VSTM4: variants seen among roughly 807,000 people sequenced by gnomAD.
VSTM4 encodes the protein V-set and transmembrane domain-containing protein 4.
Under a neutral mutation model 36.4 loss-of-function variants are expected in VSTM4, and 20 were observed. That is an observed-to-expected ratio of 0.55 (90% CI 0.39 to 0.80). The LOEUF (loss-of-function observed/expected upper bound fraction) is 0.80. VSTM4 is among the 30% of genes least tolerant of loss of function. The pLI is 0.00. For synonymous variants in VSTM4, 182 were observed against 173.9 expected, an observed-to-expected ratio of 1.05 and a Z score of -0.37; for missense variants, 392 against 404.5, an observed-to-expected ratio of 0.97 and a Z score of 0.26.
At chr10:49,113,912 A>G (rs1844943239) in intron 1 of VSTM4, among the ~76,000 whole-genome samples, 1 of 152,118 alleles carries the variant, frequency 6.6e-6, no homozygotes, top group African/African-American at 2.4e-5. Context: ...GGCAGACTCT[A>G]AAGGCTCCTG....
At chr10:49,097,537 A>G (rs1408532669) in intron 2 of VSTM4, among the ~76,000 whole-genome samples, 1 of 152,224 alleles carries the variant, frequency 6.6e-6, no homozygotes, top group Non-Finnish European at 1.5e-5. Flanking sequence ...CAGGCCCTAG[A>G]CATGAGAGAA....
chr10:49,097,063 C>T (rs572841139), intron 2 of VSTM4, among the ~76,000 whole-genome samples: 3 of 152,228 alleles, frequency 2.0e-5, no homozygotes, highest in East Asian at 1.9e-4. Flanking sequence ...CAGCAGCACA[C>T]GCTCCCTGGG....
chr10:49,026,705 T>A (rs1429444565), intron 7 of VSTM4, among the ~76,000 whole-genome samples: 3 of 151,938 alleles, frequency 2.0e-5, no homozygotes, highest in Non-Finnish European at 4.4e-5. Flanking sequence ...AGGATGTGGG[T>A]GTTGACAGGG....
intron 7 of VSTM4, among the ~76,000 whole-genome samples, chr10:49,040,225 A>T (rs1843499215): frequency 6.6e-6 from 1 of 152,198 alleles, no homozygotes; most frequent in Non-Finnish European, 1.5e-5. Context: ...GTTTTGTTTT[A>T]AAAAAAGGAA....
chr10:49,103,862 T>C (rs374700802), intron 2 of VSTM4: 27 of 1,613,434 alleles, frequency 1.7e-5, no homozygotes, highest in Non-Finnish European at 2.1e-5. Context: ...TGGAGACTCC[T>C]GTTGAAAGGA....
At chr10:49,047,641 C>T (rs1166517963) in intron 6 of VSTM4, among the ~76,000 whole-genome samples, 14 of 152,136 alleles carry the variant, frequency 9.2e-5, no homozygotes, top group African/African-American at 2.9e-4. Context: ...ATGCCTGGCC[C>T]AGGCAGGCGT....
chr10:49,042,512 G>A (rs749374750), intron 7 of VSTM4, among the ~76,000 whole-genome samples: 21 of 152,332 alleles, frequency 1.4e-4, no homozygotes, highest in South Asian at 4.1e-4. Context: ...CCCAGACTCC[G>A]CACTGAGGCA....
chr10:49,103,645 C>T, intron 2 of VSTM4: 1 of 1,531,384 alleles, frequency 6.5e-7, no homozygotes, highest in Non-Finnish European at 8.7e-7. Flanking sequence ...CCTCCATGTG[C>T]TGGGCGAGGT....
intron 7 of VSTM4, among the ~76,000 whole-genome samples, chr10:49,020,860 G>T (rs1843173147): frequency 6.6e-6 from 1 of 151,794 alleles, no homozygotes; most frequent in African/African-American, 2.4e-5. Flanking sequence ...AGAGAATGAA[G>T]TACATTAAAA....
At chr10:49,027,329 G>C (rs1329481423) in intron 7 of VSTM4, among the ~76,000 whole-genome samples, 1 of 152,156 alleles carries the variant, frequency 6.6e-6, no homozygotes, top group Admixed American at 6.5e-5. Context: ...ATGTGTGCCA[G>C]GCCCCCCACG....
chr10:49,033,745 G>C (rs112634119), intron 7 of VSTM4, among the ~76,000 whole-genome samples: 255 of 152,248 alleles, frequency 1.7e-3, no homozygotes, highest in African/African-American at 5.9e-3. Context: ...TTACCTTCCT[G>C]TGCCTCCTCT....
At chr10:49,100,645 C>G (rs1396916714) in intron 2 of VSTM4, among the ~76,000 whole-genome samples, 1 of 151,674 alleles carries the variant, frequency 6.6e-6, no homozygotes, top group African/African-American at 2.4e-5. Flanking sequence ...CATTTAAAAT[C>G]ATAAAGATGT....
chr10:49,040,161 G>A (rs1210255331), intron 7 of VSTM4, among the ~76,000 whole-genome samples: 1 of 152,196 alleles, frequency 6.6e-6, no homozygotes, highest in African/African-American at 2.4e-5. Context: ...TGTGATCCAT[G>A]TGGCCTCATT....
chr10:49,095,914 G>A (rs1274525153), intron 2 of VSTM4, among the ~76,000 whole-genome samples: 1 of 152,136 alleles, frequency 6.6e-6, no homozygotes, highest in Non-Finnish European at 1.5e-5. Context: ...TCATAAACTG[G>A]GGCTTCATGC....
chr10:49,090,647 A>G (rs1844456418), intron 2 of VSTM4, among the ~76,000 whole-genome samples: 1 of 152,166 alleles, frequency 6.6e-6, no homozygotes, highest in South Asian at 2.1e-4. Context: ...CTGGTGGACA[A>G]GGAAAAGCTC....
chr10:49,051,546 C>A (rs1843698527), intron 5 of VSTM4, among the ~76,000 whole-genome samples: 1 of 152,250 alleles, frequency 6.6e-6, no homozygotes, highest in Admixed American at 6.5e-5. Flanking sequence ...CAGGTGCCTG[C>A]CACCATGCCC....
chr10:49,086,076 C>G (rs984542905), intron 2 of VSTM4, 53 bp from the exon 3 acceptor site: 18 of 1,164,388 alleles, frequency 1.5e-5, no homozygotes, highest in Non-Finnish European at 2.2e-5. Context: ...CCACATGGTA[C>G]ACATGGCACT....
At chr10:49,102,540 T>C (rs1844686828) in intron 2 of VSTM4, 2 of 985,282 alleles carry the variant, frequency 2.0e-6, no homozygotes, top group African/African-American at 3.5e-5. Context: ...AAACAGAAGC[T>C]ACAAGATGTT....
At chr10:49,057,158 T>C (rs1303202347) in intron 5 of VSTM4, among the ~76,000 whole-genome samples, 3 of 152,090 alleles carry the variant, frequency 2.0e-5, no homozygotes, top group African/African-American at 4.8e-5. Context: ...CCACCAAGAC[T>C]ACCTCCAACA....
Sources: gnomAD v4.1 joint callset for allele counts (sites outside exome capture counted in the v4.1 genomes callset) on GRCh38, gnomAD v4.1.1 for gene constraint, MANE v1.5 for transcripts, NCBI Gene and HGNC (gene_info 2026-07-23, HGNC 2026-07-21) for gene names.